APC: variants seen among roughly 807,000 people sequenced by gnomAD.
APC encodes APC regulator of Wnt signaling pathway.
Under a neutral mutation model 247.0 loss-of-function variants are expected in APC, and 72 were observed. The observed-to-expected ratio is 0.29, with a 90% confidence interval of 0.24 to 0.35. The LOEUF (loss-of-function observed/expected upper bound fraction) is 0.35. APC is among the 10% of genes least tolerant of loss of function. The pLI, the probability that APC is intolerant of heterozygous loss-of-function variation, is 1.00. For missense variants in APC, 3,400 were observed against 3,360.7 expected, an observed-to-expected ratio of 1.01 and a Z score of -0.29; for synonymous variants, 1,254 against 1,162.5, an observed-to-expected ratio of 1.08 and a Z score of -1.60.
intron 1 of APC, among the ~76,000 whole-genome samples, chr5:112,713,712 G>C (rs937814916): frequency 2.6e-5 from 4 of 152,174 alleles, no homozygotes; most frequent in South Asian, 2.1e-4. Flanking sequence ...CAGTCACTCA[G>C]GCTGGAGTGC....
At chr5:112,729,955 A>G (rs1184949145) in intron 1 of APC, among the ~76,000 whole-genome samples, 1 of 152,232 alleles carries the variant, frequency 6.6e-6, no homozygotes, top group Non-Finnish European at 1.5e-5. Context: ...CTTTACTAAT[A>G]TGCCCACTCC....
chr5:112,737,893 C>T lies in APC; in HGVS notation c.-51C>T. Reference sequence around the variant, plus strand: ...CAGCCCGCCAGGGTGTCACTGGAGACAGAATGGAGGTGCTGCCGGACTCGG... The same window carrying T: ...CAGCCCGCCAGGGTGTCACTGGAGATAGAATGGAGGTGCTGCCGGACTCGG... On this transcript the variant is annotated 5_prime_UTR_variant, in exon 1 of 16. Coordinates refer to ENST00000257430, the MANE Select transcript of APC (RefSeq NM_000038.6). The T allele has an allele frequency of 1.0e-6, 1 of 985,596 alleles. No homozygotes were observed. The allele number at this position is 985,596 out of a possible 1,614,324, so 61.1% of individuals were successfully genotyped here. A position where few individuals can be genotyped will look rare whatever the true frequency, so the allele number is the denominator to read the frequency against.
chr5:112,767,959 C>T (rs952191864), intron 4 of APC, among the ~76,000 whole-genome samples: 1 of 152,060 alleles, frequency 6.6e-6, no homozygotes. Context: ...CACCTGTAAT[C>T]CCAGCTACTC....
chr5:112,719,851 A>G (rs994927403), intron 1 of APC, among the ~76,000 whole-genome samples: 4 of 152,206 alleles, frequency 2.6e-5, no homozygotes, highest in Non-Finnish European at 4.4e-5. Flanking sequence ...CCAATTTTCA[A>G]TAAAAATTCT....
At chr5:112,826,649 C>T (rs1459763236) in intron 11 of APC, among the ~76,000 whole-genome samples, 1 of 149,480 alleles carries the variant, frequency 6.7e-6, no homozygotes, top group East Asian at 1.9e-4. Context: ...TAAAGGCATC[C>T]GTATTCCTAA....
At chr5:112,827,891 T>C in intron 12 of APC, 38 bp from the exon 13 acceptor site, 1 of 1,563,528 alleles carries the variant, frequency 6.4e-7, no homozygotes, top group Non-Finnish European at 8.8e-7. Context: ...CTTCAAGTTG[T>C]CTTTTTAATG....
intron 1 of APC, among the ~76,000 whole-genome samples, chr5:112,711,489 C>A (rs1750845840): frequency 6.6e-6 from 1 of 152,208 alleles, no homozygotes; most frequent in South Asian, 2.1e-4. Context: ...CATTATACTT[C>A]CTGATTCTGT....
At chr5:112,742,589 G>C (rs1049886824) in intron 1 of APC, among the ~76,000 whole-genome samples, 1 of 152,144 alleles carries the variant, frequency 6.6e-6, no homozygotes, top group Non-Finnish European at 1.5e-5. Context: ...TTTTTCATTG[G>C]CTATTGGCAA....
At chr5:112,762,402 T>A (rs1755773784) in intron 2 of APC, among the ~76,000 whole-genome samples, 1 of 152,182 alleles carries the variant, frequency 6.6e-6, no homozygotes, top group South Asian at 2.1e-4. Context: ...ATAGTGACAT[T>A]CTAAATAATA....
intron 1 of APC, among the ~76,000 whole-genome samples, chr5:112,744,576 A>G (rs1444308918): frequency 6.6e-6 from 1 of 152,246 alleles, no homozygotes; most frequent in Non-Finnish European, 1.5e-5. Context: ...ATTATTGGCT[A>G]GAGACATCAG....
chr5:112,754,364 T>A (rs1454838496), intron 1 of APC, among the ~76,000 whole-genome samples: 1 of 152,216 alleles, frequency 6.6e-6, no homozygotes, highest in African/African-American at 2.4e-5. Flanking sequence ...TCAGAACTAT[T>A]TCACCATGGA....
At chr5:112,733,623 G>A (rs1395661735), upstream of APC, among the ~76,000 whole-genome samples, 1 of 152,184 alleles carries the variant, frequency 6.6e-6, no homozygotes, top group South Asian at 2.1e-4. Context: ...CAGCCCTGCA[G>A]ACACCTTGGT....
intron 2 of APC, among the ~76,000 whole-genome samples, chr5:112,762,027 A>AT: frequency 1.3e-5 from 2 of 152,342 alleles, no homozygotes; most frequent in Middle Eastern, 6.8e-3. Context: ...ATTCCTTCAG[A>AT]ATATATAAAT....
At chr5:112,812,578 T>C (rs1762095758) in intron 8 of APC, among the ~76,000 whole-genome samples, 1 of 152,218 alleles carries the variant, frequency 6.6e-6, no homozygotes, top group African/African-American at 2.4e-5. Flanking sequence ...ATCCCCCTCA[T>C]TCTTTTTATT....
Position 112,766,331 on chromosome 5 carries a change from A to G in APC, c.141A>G (p.Val47=). Residue 47 remains valine, a synonymous_variant, in exon 3 of 16, where the codon GTA becomes GTG. Coordinates refer to ENST00000257430, the MANE Select transcript of APC (RefSeq NM_000038.6). ...TATTGTGTTCTTTTTAACAGGAAGTACTTAAACAACTACAAGGAAGTATTG... is the reference window on the plus strand; with the variant it reads ...TATTGTGTTCTTTTTAACAGGAAGTGCTTAAACAACTACAAGGAAGTATTG... The part of the protein sequence containing the change: ...LETEASNMKE[V]LKQLQGSIED... 1.3e-6 allele frequency: 2 copies of G among 1,595,604 alleles called. No individual in the cohort carries two copies. The highest frequency in any genetic ancestry group is 1.7e-6 in the Non-Finnish European group (2 of 1,163,420).
intron 6 of APC, among the ~76,000 whole-genome samples, chr5:112,782,427 T>TGG (rs1239552497): frequency 6.6e-6 from 1 of 152,116 alleles, no homozygotes; most frequent in Non-Finnish European, 1.5e-5. Context: ...TGGAGTATGG[T>TGG]GGAAGGCTAA....
At chr5:112,757,005 G>C (rs1438137318) in intron 2 of APC, among the ~76,000 whole-genome samples, 1 of 152,094 alleles carries the variant, frequency 6.6e-6, no homozygotes, top group Non-Finnish European at 1.5e-5. Context: ...TCAAGACTTT[G>C]GAGCATTTCA....
chr5:112,810,042 C>A, intron 8 of APC: 1 of 421,366 alleles, frequency 2.4e-6, no homozygotes, highest in African/African-American at 2.1e-5. Flanking sequence ...GTAAAGATGT[C>A]TAGATGTGAA....
rs540138547 is a variant in APC, at chr5:112,827,311, A to T, written c.1548+64A>T. The T allele has an allele frequency of 2.5e-5, 39 of 1,568,020 alleles. No individual in the cohort carries two copies. The Admixed American group carries it at 6.4e-4, about 26-fold the overall frequency. ...GTATGAGTTAATTTACTTTCATACA[A>T]ATACATTTTACTGATTTTCTTTTTT... On this transcript the variant is annotated intron_variant, in intron 12 of 15. Coordinates refer to ENST00000257430, the MANE Select transcript of APC (RefSeq NM_000038.6).
Sources: gnomAD v4.1 joint callset for allele counts (sites outside exome capture counted in the v4.1 genomes callset) on GRCh38, gnomAD v4.1.1 for gene constraint, MANE v1.5 for transcripts, NCBI Gene and HGNC (gene_info 2026-07-23, HGNC 2026-07-21) for gene names.